Variants in COL4A4 observed in about 807,000 individuals in gnomAD.
The protein encoded by COL4A4 is collagen type IV alpha 4 chain.
In COL4A4, 105 loss-of-function variants were observed where a neutral mutation model predicts 192.9. That is an observed-to-expected ratio of 0.54 (90% CI 0.46 to 0.64). The LOEUF is 0.64. COL4A4 is among the 30% of genes least tolerant of loss of function. The probability of loss-of-function intolerance (pLI) is 0.00; values close to 1 mark genes in which losing one functional copy is unlikely to be tolerated. For missense variants in COL4A4, 1,967 were observed against 2,169.3 expected, an observed-to-expected ratio of 0.91 and a Z score of 1.85; for synonymous variants, 762 against 769.9, an observed-to-expected ratio of 0.99 and a Z score of 0.17.
rs1163394727 is a variant in COL4A4, at chr2:227,004,399, T to TA, written c.*2925dup. On this transcript the variant is annotated 3_prime_UTR_variant, in exon 48 of 48. Coordinates refer to ENST00000396625, the MANE Select transcript of COL4A4 (RefSeq NM_000092.5). ...GCACACAGTTCATCATGACAGGAAA[T>TA]ACTCCTAGAGGGAACCCTCGAACAG... The TA allele has an allele frequency of 3.9e-5, 6 of 152,328 alleles. No homozygotes were observed. The highest frequency in any genetic ancestry group is 7.3e-5 in the Non-Finnish European group (5 of 68,060). 9.4% of individuals were successfully genotyped at this position (152,328 alleles called of 1,614,324 possible).
At chr2:227,038,051 G>A (rs1366306269) in intron 37 of COL4A4, among the ~76,000 whole-genome samples, 1 of 152,140 alleles carries the variant, frequency 6.6e-6, no homozygotes, top group Non-Finnish European at 1.5e-5. Context: ...TCTTTGCTGT[G>A]CAGAAGCTCT....
Position 227,007,515 on chromosome 2 carries a change from G to A in COL4A4, c.4883C>T (p.Ala1628Val). The A allele has an allele frequency of 6.2e-7, 1 of 1,613,922 alleles. No homozygotes were observed. Among genetic ancestry groups the A allele is most frequent in the Non-Finnish European group, 8.5e-7 (1 of 1,180,022 alleles). Residue 1628 changes from alanine (A) to valine (V), a missense_variant, in exon 48 of 48, where the codon GCA becomes GTA. By Grantham distance (64) the Ala-to-Val change is moderately conservative. Transcript: ENST00000396625. ...GCCCTGGCATTCAAGGAATGGTGCT[G>A]CTCTGAAATCTTCCAGGCAGCTGCC... ...SPGSCLEDFR[A>V]APFLECQGRQ...
chr2:227,158,123 G>C (rs1397969390), intron 1 of COL4A4, among the ~76,000 whole-genome samples: 1 of 152,082 alleles, frequency 6.6e-6, no homozygotes, highest in Non-Finnish European at 1.5e-5. Context: ...TAAAAAACTA[G>C]TCATAAGAAT....
At chr2:227,156,588 A>G (rs922417298) in intron 1 of COL4A4, among the ~76,000 whole-genome samples, 3 of 152,142 alleles carry the variant, frequency 2.0e-5, no homozygotes, top group Admixed American at 6.5e-5. Context: ...TCAGTTAGTT[A>G]GAAGGAGATA....
intron 25 of COL4A4, among the ~76,000 whole-genome samples, chr2:227,070,645 C>T (rs2058659313): frequency 6.9e-6 from 1 of 145,466 alleles, no homozygotes; most frequent in Admixed American, 7.4e-5. Flanking sequence ...CACATATTCT[C>T]ACTCATAGGT....
the COL4A4 span, among the ~76,000 whole-genome samples, chr2:226,980,295 C>T: frequency 3.3e-3 from 501 of 152,242 alleles, 28 homozygotes; most frequent in East Asian, 0.087. Flanking sequence ...GATTCAGAAC[C>T]CATGCCCTAC....
At chr2:227,084,859 C>T (rs754745222) in intron 22 of COL4A4, among the ~76,000 whole-genome samples, 7 of 152,242 alleles carry the variant, frequency 4.6e-5, no homozygotes, top group Non-Finnish European at 7.4e-5. Flanking sequence ...GGGCTGGGCA[C>T]GGTGGCTCAT....
intron 37 of COL4A4, among the ~76,000 whole-genome samples, chr2:227,040,430 CTCAAGGGT>C (rs1310708992): frequency 6.6e-6 from 1 of 152,150 alleles, no homozygotes; most frequent in East Asian, 1.9e-4. Flanking sequence ...TTGACTGGGT[CTCAAGGGT>C]ATATGAAATG....
At chr2:227,070,738 A>AG (rs1314443213) in intron 25 of COL4A4, among the ~76,000 whole-genome samples, 2 of 28,144 alleles carry the variant, frequency 7.1e-5, no homozygotes, top group Non-Finnish European at 1.6e-4. Context: ...GGGAGGGGGG[A>AG]GGGGGGAGGA....
rs751582850 is a variant in COL4A4, at chr2:227,077,996, G to C, written c.1885C>G (p.Pro629Ala). Reference protein sequence around the residue: ...GPPGKAGPVGPPGLGFPGPPG... With the variant: ...GPPGKAGPVGAPGLGFPGPPG... Reference sequence around the variant, plus strand: ...GGACCAGGAAATCCCAGTCCTGGGGGCCCCACAGGTCCTGCTTTGCCTGGG... The same window carrying C: ...GGACCAGGAAATCCCAGTCCTGGGGCCCCCACAGGTCCTGCTTTGCCTGGG... Residue 629 changes from proline (P) to alanine (A), a missense_variant, in exon 25 of 48, where the codon CCC (proline) becomes GCC (alanine). By Grantham distance (27) the Pro-to-Ala change is conservative. Coordinates refer to ENST00000396625, the MANE Select transcript of COL4A4 (RefSeq NM_000092.5). 1.2e-6 allele frequency: 2 copies of C among 1,613,892 alleles called. No individual in the cohort carries two copies. The highest frequency in any genetic ancestry group is 3.3e-5 in the Admixed American group (2 of 60,000).
intron 44 of COL4A4, among the ~76,000 whole-genome samples, chr2:227,018,149 C>T (rs1965293750): frequency 6.6e-6 from 1 of 152,146 alleles, no homozygotes; most frequent in Non-Finnish European, 1.5e-5. Context: ...CAAATACCAC[C>T]TCTTGCTGGG....
chr2:227,034,541 C>CT (rs557795215), intron 37 of COL4A4, among the ~76,000 whole-genome samples: 126 of 143,776 alleles, frequency 8.8e-4, no homozygotes, highest in South Asian at 4.7e-3. Context: ...AGTAGCTGTT[C>CT]TTTTTTTTTT....
intron 44 of COL4A4, among the ~76,000 whole-genome samples, chr2:227,014,999 A>G (rs541378394): frequency 6.6e-6 from 1 of 150,824 alleles, no homozygotes; most frequent in South Asian, 2.1e-4. Context: ...CTCAGGTTCA[A>G]GTGATTCTCC....
Position 227,008,025 on chromosome 2 carries a change from A to G in COL4A4, c.4802T>C (p.Phe1601Ser). 6.2e-7 allele frequency: 1 copy of G among 1,611,106 alleles called. No homozygotes were observed. The highest frequency in any genetic ancestry group is 8.5e-7 in the Non-Finnish European group (1 of 1,179,994). Residue 1601 changes from phenylalanine to serine, a missense_variant, in exon 47 of 48, where the codon TTC (phenylalanine) becomes TCC (serine). Physicochemically the swap from Phe to Ser is radical, Grantham distance 155. Transcript: ENST00000396625. Reference sequence around the variant, plus strand: ...CAAGGGCACGGGACTCACCATCAGGAATGAATACCCGATCCAGAGGCTCCT... The same window carrying G: ...CAAGGGCACGGGACTCACCATCAGGGATGAATACCCGATCCAGAGGCTCCT... ...TWRSLWIGYS[F>S]LMHTGAGDQG...
chr2:226,977,530 T>A, the COL4A4 span, among the ~76,000 whole-genome samples: 1 of 152,206 alleles, frequency 6.6e-6, no homozygotes, highest in Non-Finnish European at 1.5e-5. Flanking sequence ...GTGCATTATG[T>A]ATAATTTGTA....
the COL4A4 span, among the ~76,000 whole-genome samples, chr2:226,977,290 C>T: frequency 6.6e-6 from 1 of 152,098 alleles, no homozygotes; most frequent in Non-Finnish European, 1.5e-5. Flanking sequence ...ATGACTGCCG[C>T]CTCCTTTTTT....
In COL4A4 at chr2:227,007,225, G is replaced by T; in HGVS notation, c.*100C>A. On this transcript the variant is annotated 3_prime_UTR_variant, in exon 48 of 48. Transcript: ENST00000396625. ...CAAAACAGAAGGAACCACTGAAAGG[G>T]AGTCCAAAATGAGCACCATGACATC... 1.3e-6 allele frequency: 2 copies of T among 1,513,306 alleles called. No homozygotes were observed. The highest frequency in any genetic ancestry group is 1.1e-5 in the South Asian group (1 of 88,354). The allele number at this position is 1,513,306 out of a possible 1,614,324, so 93.7% of individuals were successfully genotyped here.
the COL4A4 span, among the ~76,000 whole-genome samples, chr2:226,987,947 A>G: frequency 6.6e-6 from 1 of 152,108 alleles, no homozygotes; most frequent in Non-Finnish European, 1.5e-5. Context: ...CACTGCAGCA[A>G]ACTGGGCAAT....
chr2:227,142,674 T>C (rs575961540), intron 3 of COL4A4, among the ~76,000 whole-genome samples: 4 of 151,942 alleles, frequency 2.6e-5, no homozygotes, highest in African/African-American at 9.7e-5. Flanking sequence ...GGAGAATCAC[T>C]TGAACTGGGA....
Sources: gnomAD v4.1 joint callset for allele counts (sites outside exome capture counted in the v4.1 genomes callset) on GRCh38, gnomAD v4.1.1 for gene constraint, MANE v1.5 for transcripts, NCBI Gene and HGNC (gene_info 2026-07-23, HGNC 2026-07-21) for gene names.